The following MRAP2 variants were observed in gnomAD, a reference collection of about 807,000 sequenced individuals.
MRAP2 encodes the protein melanocortin-2 receptor accessory protein 2.
In MRAP2, 20 loss-of-function variants were observed where a neutral mutation model predicts 17.4. The ratio of observed to expected loss-of-function variants is 1.15; its 90% confidence interval spans 0.81 to 1.67. The LOEUF is 1.67. MRAP2 is among the 40% of genes most tolerant of loss of function. The pLI, the probability that MRAP2 is intolerant of heterozygous loss-of-function variation, is 0.00. For synonymous variants in MRAP2, 96 were observed against 88.4 expected (o/e 1.09, Z -0.48); for missense variants, 238 against 240.0 (o/e 0.99, Z 0.05).
chr6:84,143,904 T>C, the MRAP2 span, among the ~76,000 whole-genome samples: 36,975 of 151,920 alleles, frequency 0.24, 9,912 homozygotes, highest in African/African-American at 0.67. Context: ...GTGTTTCCTA[T>C]GGTCTCTATC....
intron 1 of MRAP2, among the ~76,000 whole-genome samples, chr6:84,049,751 G>A (rs2099489938): frequency 6.6e-6 from 1 of 152,136 alleles, no homozygotes; most frequent in African/African-American, 2.4e-5. Context: ...CTTTTGGTTA[G>A]CTGTCTTGCT....
chr6:84,048,959 G>A (rs994343210), intron 1 of MRAP2, among the ~76,000 whole-genome samples: 2 of 152,164 alleles, frequency 1.3e-5, no homozygotes, highest in Admixed American at 6.5e-5. Context: ...AGGGGCGGAG[G>A]TGCAGTCGCA....
chr6:84,047,816 T>G (rs2099489425), intron 1 of MRAP2, among the ~76,000 whole-genome samples: 1 of 152,222 alleles, frequency 6.6e-6, no homozygotes, highest in Non-Finnish European at 1.5e-5. Context: ...AACCCAATAC[T>G]TGCTGTCTCT....
chr6:84,069,573 T>C (rs931337903), intron 3 of MRAP2, among the ~76,000 whole-genome samples: 2 of 152,174 alleles, frequency 1.3e-5, no homozygotes, highest in African/African-American at 4.8e-5. Context: ...TTATGTCCTT[T>C]CCTGGTTTTA....
chr6:84,068,874 G>T (rs1225559555), intron 3 of MRAP2, among the ~76,000 whole-genome samples: 1 of 133,572 alleles, frequency 7.5e-6, no homozygotes, highest in Non-Finnish European at 1.5e-5. Context: ...TCACTGTGTT[G>T]CCCAGGCTGG....
In MRAP2 at chr6:84,090,382, A is replaced by T. The variant is rs1019086070; in HGVS notation, c.*901A>T. On this transcript the variant is annotated 3_prime_UTR_variant, in exon 4 of 4. Coordinates refer to ENST00000257776, the MANE Select transcript of MRAP2 (RefSeq NM_138409.4). ...GTTGTGCTGAAACAGCTCTTCTGAG[A>T]ACTTCCAACCACCCATGCTCTAACC... 6 of 152,160 alleles carry T rather than the reference A, an allele frequency of 3.9e-5. No homozygotes were observed. Among genetic ancestry groups the T allele is most frequent in the Non-Finnish European group, 8.8e-5 (6 of 68,078 alleles). The allele number at this position is 152,160 out of a possible 1,614,324, so 9.4% of individuals were successfully genotyped here.
the MRAP2 span, among the ~76,000 whole-genome samples, chr6:84,134,912 TCA>T: frequency 9.4e-6 from 1 of 106,880 alleles, no homozygotes; most frequent in African/African-American, 3.8e-5. Flanking sequence ...CATGAAAAGA[TCA>T]TATATACACA....
At chr6:84,037,060 G>A (rs1203756485) in intron 1 of MRAP2, among the ~76,000 whole-genome samples, 2 of 151,782 alleles carry the variant, frequency 1.3e-5, no homozygotes, top group African/African-American at 4.8e-5. Flanking sequence ...AGTGCTGATT[G>A]GTGTATTTAC....
the MRAP2 span, chr6:84,124,358 T>G: frequency 1.3e-5 from 2 of 152,012 alleles, no homozygotes; most frequent in Admixed American, 1.3e-4. Flanking sequence ...GAGATATATA[T>G]AGAGAGAGAT....
chr6:84,117,651 C>G, the MRAP2 span, among the ~76,000 whole-genome samples: 4,314 of 105,096 alleles, frequency 0.041, 207 homozygotes, highest in African/African-American at 0.28. Flanking sequence ...GGGTGTGTGT[C>G]TGTGTGTGTG....
intron 3 of MRAP2, among the ~76,000 whole-genome samples, chr6:84,080,003 C>G (rs2099498559): frequency 6.6e-6 from 1 of 150,844 alleles, no homozygotes; most frequent in African/African-American, 2.5e-5. Context: ...CATAACCTTC[C>G]CCAGCTCTAT....
At chr6:84,064,053 A>G (rs1464741006) in intron 3 of MRAP2, among the ~76,000 whole-genome samples, 1 of 149,876 alleles carries the variant, frequency 6.7e-6, no homozygotes, top group Non-Finnish European at 1.5e-5. Flanking sequence ...TAAAAAAAAG[A>G]AAAAGAAAAA....
Position 84,062,888 on chromosome 6 carries a change from T to G in MRAP2, c.128-5T>G, listed in dbSNP as rs773289068. 89 of 1,614,028 alleles carry G rather than the reference T, an allele frequency of 5.5e-5. 1 individual carries two copies. In the South Asian group the frequency reaches 9.8e-4, roughly 18 times the overall value. On this transcript the variant is annotated splice_polypyrimidine_tract_variant and splice_region_variant and intron_variant, in intron 2 of 3. Transcript: ENST00000257776. ...ATACTAATCCCAGAATTAACTGTCTTTCAGATTCCATTGTGATTGGATTTT... is the reference window on the plus strand; with the variant it reads ...ATACTAATCCCAGAATTAACTGTCTGTCAGATTCCATTGTGATTGGATTTT...
chr6:84,115,519 G>A, the MRAP2 span, among the ~76,000 whole-genome samples: 75 of 152,178 alleles, frequency 4.9e-4, 2 homozygotes, highest in Non-Finnish European at 5.9e-4. Context: ...GCTCCATGGG[G>A]GTGGGACCTG....
At chr6:84,103,776 C>T in the MRAP2 span, among the ~76,000 whole-genome samples, 24 of 150,008 alleles carry the variant, frequency 1.6e-4, no homozygotes, top group Non-Finnish European at 2.7e-4. Flanking sequence ...AATACCAATA[C>T]CATTAGATAG....
the MRAP2 span, among the ~76,000 whole-genome samples, chr6:84,117,685 G>T: frequency 2.7e-5 from 4 of 147,346 alleles, no homozygotes; most frequent in African/African-American, 9.9e-5. Flanking sequence ...GTGTGTGTGT[G>T]GTTGTTGTTG....
the MRAP2 span, among the ~76,000 whole-genome samples, chr6:84,117,289 C>T: frequency 4.1e-4 from 62 of 152,336 alleles, no homozygotes; most frequent in Non-Finnish European, 7.8e-4. Flanking sequence ...TCCCAAAGTA[C>T]TGGGATTACA....
the MRAP2 span, among the ~76,000 whole-genome samples, chr6:84,123,247 C>A: frequency 1.6e-5 from 2 of 128,444 alleles, no homozygotes; most frequent in African/African-American, 3.6e-5. Context: ...ATTGAACGCC[C>A]AACTCCAAAA....
chr6:84,128,369 CAT>C, the MRAP2 span, among the ~76,000 whole-genome samples: 13,291 of 152,054 alleles, frequency 0.087, 1,487 homozygotes, highest in African/African-American at 0.26. Flanking sequence ...AATAAGCAAA[CAT>C]GTATTTAAAA....
Sources: gnomAD v4.1 joint callset for allele counts (sites outside exome capture counted in the v4.1 genomes callset) on GRCh38, gnomAD v4.1.1 for gene constraint, MANE v1.5 for transcripts, NCBI Gene and HGNC (gene_info 2026-07-23, HGNC 2026-07-21) for gene names.